NHSL2: variants seen among roughly 807,000 people sequenced by gnomAD.
NHSL2 encodes NHS like 2.
A neutral mutation model predicts 53.4 loss-of-function variants in NHSL2; 27 were observed. The ratio of observed to expected loss-of-function variants is 0.51; its 90% CI spans 0.37 to 0.70. The LOEUF is 0.70. Ranked by LOEUF, NHSL2 falls within the 30% of genes least tolerant of loss-of-function variation. NHSL2 has a pLI of 0.00. For missense variants in NHSL2, 892 were observed against 980.1 expected (o/e 0.91, Z 1.20); for synonymous variants, 408 against 404.1 (o/e 1.01, Z -0.12).
intron 1 of NHSL2, among the ~76,000 whole-genome samples, chrX:71,986,339 C>T (rs191511211): frequency 8.9e-6 from 1 of 111,816 alleles, no homozygotes; most frequent in East Asian, 2.8e-4. Flanking sequence ...CACCGTAAGT[C>T]ACTCATTTAA....
chrX:72,143,182 A>G, intron 7 of NHSL2, 71 bp from the exon 8 acceptor site: 1 of 754,956 alleles, frequency 1.3e-6, no homozygotes, highest in Non-Finnish European at 1.9e-6. Flanking sequence ...TGTCACAGGC[A>G]TGGGGGTCTG....
At chrX:72,035,565 GC>G (rs763308596) in intron 1 of NHSL2, among the ~76,000 whole-genome samples, 2 of 110,574 alleles carry the variant, frequency 1.8e-5, no homozygotes, top group Non-Finnish European at 3.8e-5. Context: ...CGCTCTTGTT[GC>G]CCGAGTGAAG....
At chrX:72,114,170 T>A (rs1318116856) in intron 1 of NHSL2, among the ~76,000 whole-genome samples, 1 of 112,686 alleles carries the variant, frequency 8.9e-6, no homozygotes, top group East Asian at 2.8e-4. Flanking sequence ...TTATGAATGT[T>A]CTTTCCCTCT....
At chrX:71,959,314 A>G (rs1437919595) in intron 1 of NHSL2, among the ~76,000 whole-genome samples, 4 of 112,113 alleles carry the variant, frequency 3.6e-5, no homozygotes, top group African/African-American at 6.5e-5. Flanking sequence ...GAGAGGGACC[A>G]CTTATCCTGA....
At chrX:71,981,527 ACT>A (rs1442608504) in intron 1 of NHSL2, among the ~76,000 whole-genome samples, 4 of 63,558 alleles carry the variant, frequency 6.3e-5, no homozygotes, top group Non-Finnish European at 1.1e-4. Flanking sequence ...ACAGAGCAAG[ACT>A]CTGTCTCAAA....
At chrX:71,929,241 T>G (rs1484381097) in intron 1 of NHSL2, among the ~76,000 whole-genome samples, 2 of 112,641 alleles carry the variant, frequency 1.8e-5, no homozygotes, top group Non-Finnish European at 3.7e-5. Context: ...AAATACTTTT[T>G]AAATTGTGAT....
In NHSL2 at chrX:72,148,828, G is replaced by C. The variant is rs1165483105; in HGVS notation, c.*5254G>C. 4.8e-5 allele frequency: 4 copies of C among 83,579 alleles called. No individual in the cohort carries two copies. Among genetic ancestry groups the C allele is most frequent in the Non-Finnish European group, 9.3e-5 (4 of 43,044 alleles). 6.9% of individuals were successfully genotyped at this position (83,579 alleles called of 1,213,427 possible). On this transcript the variant is annotated 3_prime_UTR_variant, in exon 8 of 8. Transcript: ENST00000633930. ...ATCCCTGGAGAGGGAGAAAGAGAGA[G>C]AGAGAGAGTGTATGTGTGTGTGTGT...
intron 1 of NHSL2, among the ~76,000 whole-genome samples, chrX:71,972,630 T>C (rs1262551676): frequency 8.9e-6 from 1 of 112,116 alleles, no homozygotes; most frequent in Non-Finnish European, 1.9e-5. Flanking sequence ...TAGAAGTTCA[T>C]TGAGCTTATT....
chrX:72,101,527 CG>C (rs1350959062), intron 1 of NHSL2, among the ~76,000 whole-genome samples: 1 of 110,422 alleles, frequency 9.1e-6, no homozygotes, highest in African/African-American at 3.3e-5. Context: ...AGGTGGCGGT[CG>C]CATGCCCACT....
intron 1 of NHSL2, among the ~76,000 whole-genome samples, chrX:71,913,995 C>T (rs1324829865): frequency 1.8e-5 from 2 of 112,965 alleles, no homozygotes; most frequent in Non-Finnish European, 3.7e-5. Context: ...ATCCCACCCA[C>T]TCCACTGAAG....
Position 72,140,223 on chromosome X carries a change from C to T in NHSL2, c.2675C>T (p.Pro892Leu). 5 of 1,210,474 alleles carry T rather than the reference C, an allele frequency of 4.1e-6. No homozygotes were observed. The highest frequency in any genetic ancestry group is 5.6e-6 in the Non-Finnish European group (5 of 894,976). Residue 892 changes from proline (P) to leucine (L), a missense_variant, in exon 6 of 8, where the codon CCT becomes CTT. Pro to Leu is a moderately conservative substitution (Grantham distance 98). Coordinates refer to ENST00000633930, the MANE Select transcript of NHSL2 (RefSeq NM_001013627.3). ...TTGGTCCACAAGCCACCATCTGTTC[C>T]TGAGGAGTATGCACTAACTTCACCA... Reference protein sequence around the residue: ...PSLVHKPPSVPEEYALTSPTL... With the variant: ...PSLVHKPPSVLEEYALTSPTL...
At chrX:71,917,498 G>A (rs2147809716) in intron 1 of NHSL2, among the ~76,000 whole-genome samples, 1 of 109,818 alleles carries the variant, frequency 9.1e-6, no homozygotes, top group South Asian at 4.1e-4. Flanking sequence ...CACACTCTTT[G>A]AGTACTTGAC....
rs1292838745 is a variant in NHSL2, at chrX:71,910,999, CGCTCAGGGGCGCTCGGGCCAGGGGCGCT to C, written c.-84_-57del. 1.5e-4 allele frequency: 115 copies of C among 749,778 alleles called. No homozygotes were observed. The highest frequency in any genetic ancestry group is 1.8e-4 in the Non-Finnish European group (108 of 591,325). The allele number at this position is 749,778 out of a possible 1,213,427, so 61.8% of individuals were successfully genotyped here. A position where few individuals can be genotyped will look rare whatever the true frequency, so the allele number is the denominator to read the frequency against. ...CTGCTACACCCGGAGCTGGGGCCGCCGCTCAGGGGCGCTCGGGCCAGGGGCGCTGCTCGGGGTGAGCCCGCCGCGCCGC... is the reference window on the plus strand; with the variant it reads ...CTGCTACACCCGGAGCTGGGGCCGCCGCTCGGGGTGAGCCCGCCGCGCCGC... On this transcript the variant is annotated 5_prime_UTR_variant, in exon 1 of 8. Coordinates refer to ENST00000633930, the MANE Select transcript of NHSL2 (RefSeq NM_001013627.3).
chrX:71,978,306 G>T (rs2041957893), intron 1 of NHSL2, among the ~76,000 whole-genome samples: 1 of 111,853 alleles, frequency 8.9e-6, no homozygotes, highest in African/African-American at 3.2e-5. Context: ...CTTTATAAGG[G>T]AATCTTGGAC....
intron 1 of NHSL2, among the ~76,000 whole-genome samples, chrX:71,983,529 C>G (rs1220220074): frequency 3.6e-5 from 4 of 109,653 alleles, no homozygotes; most frequent in African/African-American, 1.3e-4. Flanking sequence ...GGAGATTACT[C>G]TAGCCCAGGA....
intron 1 of NHSL2, among the ~76,000 whole-genome samples, chrX:71,913,260 T>C (rs2041612892): frequency 9.0e-6 from 1 of 111,526 alleles, no homozygotes; most frequent in African/African-American, 3.3e-5. Context: ...TAGACTCCCC[T>C]TGAAGTTCTC....
In NHSL2 at chrX:72,009,442, G is replaced by A. The variant is rs1283953566; in HGVS notation, c.280+98075G>A. The stretch of plus-strand genomic sequence containing the variant: ...CAGCCTACCAGGGTACAAGCTGTGT[G>A]GAGAAGGGTGGAAAAGATGTGGACA... On this transcript the variant is annotated intron_variant, in intron 1 of 7. Transcript: ENST00000633930. 2.7e-5 allele frequency among the ~76,000 whole-genome samples: 3 copies of A among 112,852 alleles called. No homozygotes were observed. The Admixed American group carries it at 2.8e-4, about 10-fold the overall frequency.
At chrX:72,056,898 A>C (rs1356311212) in intron 1 of NHSL2, among the ~76,000 whole-genome samples, 2 of 111,909 alleles carry the variant, frequency 1.8e-5, no homozygotes, top group African/African-American at 6.5e-5. Flanking sequence ...ACCATCTCCT[A>C]CTTTTAGACG....
At chrX:71,940,696 C>T (rs1371962614) in intron 1 of NHSL2, among the ~76,000 whole-genome samples, 1 of 108,114 alleles carries the variant, frequency 9.2e-6, no homozygotes, top group Non-Finnish European at 1.9e-5. Flanking sequence ...GAAGTTGCTG[C>T]CTGGTGGCTT....
Sources: gnomAD v4.1 joint callset for allele counts (sites outside exome capture counted in the v4.1 genomes callset) on GRCh38, gnomAD v4.1.1 for gene constraint, MANE v1.5 for transcripts, NCBI Gene and HGNC (gene_info 2026-07-23, HGNC 2026-07-21) for gene names.